The following ITPR2 variants were observed in gnomAD, a reference collection of about 807,000 sequenced individuals.
ITPR2 encodes the protein inositol 1,4,5-trisphosphate-gated calcium channel ITPR2.
A neutral mutation model predicts 317.1 loss-of-function variants in ITPR2; 207 were observed. That is an observed-to-expected ratio of 0.65 (90% CI 0.58 to 0.73). The LOEUF (loss-of-function observed/expected upper bound fraction) is 0.73. Among genes scored for constraint, ITPR2 ranks in the 30% least tolerant of loss-of-function variants. ITPR2 has a pLI of 0.00. For missense variants in ITPR2, 2,613 were observed against 3,284.0 expected (o/e 0.80, Z 4.99); for synonymous variants, 1,156 against 1,149.1 (o/e 1.01, Z -0.12).
intron 45 of ITPR2, among the ~76,000 whole-genome samples, chr12:26,461,123 C>T (rs2136783261): frequency 6.6e-6 from 1 of 152,226 alleles, no homozygotes; most frequent in African/African-American, 2.4e-5. Flanking sequence ...CTGGAGTGTT[C>T]TTTTTTATGC....
intron 2 of ITPR2, among the ~76,000 whole-genome samples, chr12:26,742,838 T>C (rs950401224): frequency 3.3e-5 from 5 of 150,554 alleles, no homozygotes; most frequent in African/African-American, 1.2e-4. Flanking sequence ...AGGAATGATG[T>C]ACTGATTCAT....
chr12:26,716,395 T>C (rs539212462), intron 5 of ITPR2, among the ~76,000 whole-genome samples, 153 bp from the exon 6 acceptor site: 1 of 152,250 alleles, frequency 6.6e-6, no homozygotes, highest in East Asian at 1.9e-4. Context: ...CTTTTTCTCT[T>C]TGAGGTAAAA....
intron 45 of ITPR2, among the ~76,000 whole-genome samples, chr12:26,468,525 A>G (rs1942224632): frequency 6.6e-6 from 1 of 151,058 alleles, no homozygotes; most frequent in Non-Finnish European, 1.5e-5. Flanking sequence ...AAACTCTTCT[A>G]GAGTGCCTGC....
intron 21 of ITPR2, among the ~76,000 whole-genome samples, chr12:26,642,782 G>T (rs1428455292): frequency 6.6e-6 from 1 of 152,186 alleles, no homozygotes; most frequent in African/African-American, 2.4e-5. Context: ...CAAGATCTTA[G>T]TCTTGACCCA....
At chr12:26,737,691 C>T (rs1241106203) in intron 2 of ITPR2, among the ~76,000 whole-genome samples, 1 of 152,096 alleles carries the variant, frequency 6.6e-6, no homozygotes, top group Non-Finnish European at 1.5e-5. Flanking sequence ...GGTTTGGCAT[C>T]TCGGTATTAC....
At chr12:26,620,217 G>A (rs900892935) in intron 26 of ITPR2, among the ~76,000 whole-genome samples, 4 of 152,232 alleles carry the variant, frequency 2.6e-5, no homozygotes, top group South Asian at 2.1e-4. Flanking sequence ...TTGTGGCTGC[G>A]AGGGCCGCAA....
At chr12:26,471,410 A>G (rs1942288933) in intron 45 of ITPR2, among the ~76,000 whole-genome samples, 1 of 152,226 alleles carries the variant, frequency 6.6e-6, no homozygotes. Flanking sequence ...TGGGGCAGAG[A>G]GACATAAGGT....
chr12:26,637,751 T>C (rs1277314111), intron 21 of ITPR2, among the ~76,000 whole-genome samples: 1 of 152,212 alleles, frequency 6.6e-6, no homozygotes, highest in Non-Finnish European at 1.5e-5. Context: ...CTAATGAATA[T>C]GTGGTTTCAT....
intron 54 of ITPR2, among the ~76,000 whole-genome samples, chr12:26,394,028 G>C (rs986182483): frequency 6.6e-6 from 1 of 152,154 alleles, no homozygotes; most frequent in South Asian, 2.1e-4. Context: ...ATAAGACATG[G>C]ATCTGGTTCT....
At chr12:26,565,963 AGAGGGGAGGG>A (rs1250222809) in intron 34 of ITPR2, among the ~76,000 whole-genome samples, 84 of 8,264 alleles carry the variant, frequency 0.01, 15 homozygotes, top group Admixed American at 0.012. Flanking sequence ...GGAGGAGAGG[AGAGGGGAGGG>A]GAGGGGAGGG....
At chr12:26,464,219 G>A (rs748301369) in intron 45 of ITPR2, among the ~76,000 whole-genome samples, 3 of 152,038 alleles carry the variant, frequency 2.0e-5, no homozygotes, top group African/African-American at 7.3e-5. Context: ...TATTTATTGC[G>A]CACATTATTT....
chr12:26,369,282 T>C (rs751862972), intron 55 of ITPR2, among the ~76,000 whole-genome samples: 4 of 152,152 alleles, frequency 2.6e-5, no homozygotes, highest in Admixed American at 6.5e-5. Flanking sequence ...TGATTTATGT[T>C]TTAGATTTTT....
chr12:26,595,965 C>T (rs1945832899), intron 31 of ITPR2, among the ~76,000 whole-genome samples: 1 of 152,142 alleles, frequency 6.6e-6, no homozygotes, highest in Non-Finnish European at 1.5e-5. Flanking sequence ...AAAAGAAAGA[C>T]ATTATCGCAA....
At chr12:26,749,543 G>T (rs1255299353) in intron 2 of ITPR2, among the ~76,000 whole-genome samples, 1 of 152,106 alleles carries the variant, frequency 6.6e-6, no homozygotes, top group Non-Finnish European at 1.5e-5. Context: ...TTGTGTCAGG[G>T]TTGTAAAATT....
chr12:26,375,865 A>C (rs1278385658), intron 55 of ITPR2, among the ~76,000 whole-genome samples: 1 of 152,210 alleles, frequency 6.6e-6, no homozygotes, highest in Non-Finnish European at 1.5e-5. Flanking sequence ...TTGGAAGGCC[A>C]ATGTGGGCAG....
chr12:26,591,388 C>T (rs1206120364), intron 32 of ITPR2, among the ~76,000 whole-genome samples: 1 of 152,158 alleles, frequency 6.6e-6, no homozygotes, highest in Non-Finnish European at 1.5e-5. Flanking sequence ...AATGAGATAT[C>T]ATCTCACCCC....
chr12:26,443,439 A>G (rs1941535138), intron 46 of ITPR2, 104 bp downstream of exon 46: 1 of 799,224 alleles, frequency 1.3e-6, no homozygotes, highest in Non-Finnish European at 2.0e-6. Flanking sequence ...TAAACCACTC[A>G]CTTCTGCATC....
intron 45 of ITPR2, among the ~76,000 whole-genome samples, chr12:26,445,859 A>AT (rs906145368): frequency 1.3e-5 from 2 of 152,298 alleles, no homozygotes; most frequent in African/African-American, 4.8e-5. Flanking sequence ...ATAAAGGTGG[A>AT]TTTTTTAAAT....
intron 1 of ITPR2, among the ~76,000 whole-genome samples, chr12:26,797,378 T>C (rs562084732): frequency 9.2e-5 from 14 of 152,294 alleles, no homozygotes; most frequent in Middle Eastern, 3.4e-3. Flanking sequence ...ACAAAGAAAA[T>C]GCCACATAAC....
Sources: allele counts gnomAD v4.1 joint callset (sites outside exome capture counted in the v4.1 genomes callset), GRCh38; gene constraint gnomAD v4.1.1; transcripts MANE v1.5; gene names NCBI Gene and HGNC (gene_info 2026-07-23, HGNC 2026-07-21).